CPED1: variants seen among roughly 807,000 people sequenced by gnomAD.
CPED1 encodes the protein cadherin like and PC-esterase domain containing 1, also known as cadherin-like and PC-esterase domain-containing protein 1.
A neutral mutation model predicts 128.2 loss-of-function variants in CPED1; 114 were observed. That is an observed-to-expected ratio of 0.89 (90% CI 0.76 to 1.04). The LOEUF (loss-of-function observed/expected upper bound fraction) is 1.04, where lower values mean the gene tolerates loss of function less well. Ranked by LOEUF, CPED1 falls within the 50% of genes least tolerant of loss-of-function variation. The pLI is 0.00. For missense variants in CPED1, 1,211 were observed against 1,207.1 expected (o/e 1.00, Z -0.05); for synonymous variants, 462 against 426.7 (o/e 1.08, Z -1.02).
chr7:121,033,956 A>AC (rs1206614283), intron 3 of CPED1, among the ~76,000 whole-genome samples: 1 of 152,188 alleles, frequency 6.6e-6, no homozygotes, highest in Non-Finnish European at 1.5e-5. Flanking sequence ...TACAATGTTA[A>AC]CCCAGATATG....
At chr7:121,167,830 C>T (rs1024267661) in intron 16 of CPED1, among the ~76,000 whole-genome samples, 2 of 148,988 alleles carry the variant, frequency 1.3e-5, no homozygotes, top group African/African-American at 2.5e-5. Flanking sequence ...CTCCCGGGTT[C>T]ACGCCATTCT....
intron 16 of CPED1, among the ~76,000 whole-genome samples, chr7:121,185,248 G>A (rs1796977182): frequency 6.6e-6 from 1 of 152,082 alleles, no homozygotes; most frequent in African/African-American, 2.4e-5. Context: ...TCACTAGACT[G>A]AAATTATAGC....
At chr7:121,099,013 GTTTTTTTAA>G (rs1053423197) in intron 6 of CPED1, among the ~76,000 whole-genome samples, 1 of 150,452 alleles carries the variant, frequency 6.6e-6, no homozygotes, top group African/African-American at 2.4e-5. Context: ...AGCCTGAGGT[GTTTTTTTAA>G]TTTTTTTAAT....
intron 22 of CPED1, among the ~76,000 whole-genome samples, chr7:121,290,577 A>T (rs1037932420): frequency 6.6e-6 from 1 of 152,022 alleles, no homozygotes; most frequent in South Asian, 2.1e-4. Flanking sequence ...GCTTTTTTTC[A>T]TATGTTTATT....
chr7:121,055,572 GT>G lies in CPED1; in HGVS notation c.540+8580del, dbSNP rs564407643. Among the ~76,000 whole-genome samples, 265 of 150,014 alleles carry G rather than the reference GT, an allele frequency of 1.8e-3. 1 individual carries two copies. The highest frequency in any genetic ancestry group is 3.4e-3 in the Non-Finnish European group (231 of 67,478). On this transcript the variant is annotated intron_variant, in intron 4 of 22. Transcript: ENST00000310396. Reference sequence around the variant, plus strand: ...TGTGACATAAAATATAATTATATGTGTAAAAATATAGATATAATAAATAATT... The same window carrying G: ...TGTGACATAAAATATAATTATATGTGAAAAATATAGATATAATAAATAATT...
At chr7:121,105,539 C>T (rs1794954947) in intron 7 of CPED1, among the ~76,000 whole-genome samples, 1 of 151,990 alleles carries the variant, frequency 6.6e-6, no homozygotes, top group African/African-American at 2.4e-5. Flanking sequence ...AAGTCTTCTC[C>T]TGAGAGTTTG....
At chr7:121,060,593 G>T (rs1182475626) in intron 4 of CPED1, among the ~76,000 whole-genome samples, 1 of 152,132 alleles carries the variant, frequency 6.6e-6, no homozygotes, top group Non-Finnish European at 1.5e-5. Context: ...CCTTTGTGTG[G>T]ACACTCTGTA....
rs556634073 is a variant in CPED1 at position 121,249,619 on chromosome 7, G to C, written c.2310+5281G>C. ...GAGAAATAAAATCATTCTCAGATAA[G>C]CAAACACTGAGGGAATTTGTTTCAA... On this transcript the variant is annotated intron_variant, in intron 18 of 22. Transcript: ENST00000310396. 1.3e-3 allele frequency among the ~76,000 whole-genome samples: 195 copies of C among 152,184 alleles called. 1 individual carries two copies. Among genetic ancestry groups the C allele is most frequent in the African/African-American group, 4.6e-3 (190 of 41,522 alleles).
At position 121,239,065 on chromosome 7, in the gene CPED1, T is replaced by C. The variant is rs141282878; in HGVS notation, c.2173+2234T>C. Among the ~76,000 whole-genome samples, 430 of 152,290 alleles carry C rather than the reference T, an allele frequency of 2.8e-3. 2 individuals carry two copies. Among genetic ancestry groups the C allele is most frequent in the African/African-American group, 9.7e-3 (402 of 41,558 alleles). ...AGGTCAGGATAGCAGTCTGCAAGAA[T>C]GTATCACTTGCTGCTAGAGATGATT... On this transcript the variant is annotated intron_variant, in intron 17 of 22. Coordinates refer to ENST00000310396, the MANE Select transcript of CPED1 (RefSeq NM_024913.5).
intron 4 of CPED1, among the ~76,000 whole-genome samples, chr7:121,062,450 G>C (rs1793697851): frequency 6.6e-6 from 1 of 152,094 alleles, no homozygotes; most frequent in Admixed American, 6.5e-5. Flanking sequence ...AGTCTATTAT[G>C]GGTTATCTAT....
intron 3 of CPED1, among the ~76,000 whole-genome samples, chr7:121,029,083 C>T (rs1665801329): frequency 6.6e-6 from 1 of 151,980 alleles, no homozygotes; most frequent in Admixed American, 6.6e-5. Flanking sequence ...ACTTCCTTAA[C>T]CTAATTTACC....
chr7:121,077,089 A>G (rs1463427432), intron 5 of CPED1, among the ~76,000 whole-genome samples: 2 of 152,086 alleles, frequency 1.3e-5, no homozygotes, highest in African/African-American at 4.8e-5. Flanking sequence ...ATCCCCCATG[A>G]AACTTGGGAG....
At chr7:121,281,109 T>C (rs1792451811) in intron 22 of CPED1, among the ~76,000 whole-genome samples, 2 of 152,190 alleles carry the variant, frequency 1.3e-5, no homozygotes, top group African/African-American at 4.8e-5. Flanking sequence ...ATTCTGTGGA[T>C]CTGGAACCAC....
At chr7:121,248,594 C>CAAA (rs36015608) in intron 18 of CPED1, among the ~76,000 whole-genome samples, 1,804 of 118,330 alleles carry the variant, frequency 0.015, 52 homozygotes, top group African/African-American at 0.03. Context: ...CCCTGTGAAA[C>CAAA]AAAAAAAAAA....
chr7:121,021,527 T>C (rs543942082), intron 3 of CPED1, among the ~76,000 whole-genome samples: 1 of 152,104 alleles, frequency 6.6e-6, no homozygotes, highest in East Asian at 1.9e-4. Flanking sequence ...AAAAAGAAGC[T>C]ATAAGGAAGT....
At chr7:121,103,769 A>T (rs2116237199) in intron 7 of CPED1, among the ~76,000 whole-genome samples, 1 of 152,240 alleles carries the variant, frequency 6.6e-6, no homozygotes, top group Middle Eastern at 3.4e-3. Context: ...GTACTGTGTG[A>T]TGAGGCAAGC....
intron 5 of CPED1, among the ~76,000 whole-genome samples, chr7:121,078,005 G>A (rs966473489): frequency 5.9e-5 from 9 of 151,374 alleles, no homozygotes; most frequent in Non-Finnish European, 7.4e-5. Flanking sequence ...TTTGTTTTTC[G>A]CTTCTTACTT....
At chr7:121,174,704 G>T (rs187080319) in intron 16 of CPED1, among the ~76,000 whole-genome samples, 2 of 151,804 alleles carry the variant, frequency 1.3e-5, no homozygotes, top group Non-Finnish European at 2.9e-5. Context: ...TTGGTTATTC[G>T]GGCTTTTTTG....
intron 16 of CPED1, among the ~76,000 whole-genome samples, chr7:121,211,236 T>C (rs1797633476): frequency 6.6e-6 from 1 of 152,086 alleles, no homozygotes; most frequent in South Asian, 2.1e-4. Flanking sequence ...ATAGTATTTT[T>C]CCCCAATTAG....
Sources: gnomAD v4.1 joint callset for allele counts (sites outside exome capture counted in the v4.1 genomes callset) on GRCh38, gnomAD v4.1.1 for gene constraint, MANE v1.5 for transcripts, NCBI Gene and HGNC (gene_info 2026-07-23, HGNC 2026-07-21) for gene names.